The following AGXT2 variants were observed in gnomAD, a reference collection of about 807,000 sequenced individuals.
AGXT2 encodes the protein alanine--glyoxylate aminotransferase 2, mitochondrial.
Under a neutral mutation model 62.5 loss-of-function variants are expected in AGXT2, and 61 were observed. The ratio of observed to expected loss-of-function variants is 0.98; its 90% CI spans 0.79 to 1.21. AGXT2 has a LOEUF of 1.21. AGXT2 is among the 50% of genes most tolerant of loss of function. AGXT2 has a pLI of 0.00. For missense variants in AGXT2, 666 were observed against 641.5 expected (o/e 1.04, Z -0.41); for synonymous variants, 243 against 218.7 (o/e 1.11, Z -0.98).
At chr5:35,028,598 AG>A (rs1561226769) in intron 7 of AGXT2, among the ~76,000 whole-genome samples, 6,172 of 113,012 alleles carry the variant, frequency 0.055, 512 homozygotes, top group African/African-American at 0.13. Flanking sequence ...AGAGAGAGAG[AG>A]AGAGAGAGAG....
chr5:35,029,752 G>A (rs1452552107), intron 7 of AGXT2, among the ~76,000 whole-genome samples: 1 of 152,170 alleles, frequency 6.6e-6, no homozygotes, highest in Non-Finnish European at 1.5e-5. Flanking sequence ...AACATTGTGG[G>A]GGCAGTAGGT....
At chr5:35,029,666 A>G (rs190951057) in intron 7 of AGXT2, among the ~76,000 whole-genome samples, 1 of 152,352 alleles carries the variant, frequency 6.6e-6, no homozygotes. Flanking sequence ...GGAGCCAAGA[A>G]AGAACTACAA....
intron 9 of AGXT2, among the ~76,000 whole-genome samples, chr5:35,022,176 G>A (rs1390832328): frequency 6.6e-6 from 1 of 152,138 alleles, no homozygotes; most frequent in Admixed American, 6.5e-5. Flanking sequence ...TGATTCCTCA[G>A]GGATCTAGAA....
intron 11 of AGXT2, 105 bp downstream of exon 11, chr5:35,012,849 T>C: frequency 1.9e-6 from 2 of 1,027,816 alleles, no homozygotes; most frequent in East Asian, 5.2e-5. Flanking sequence ...ATGAATTAAC[T>C]CTCCCCTTTA....
intron 13 of AGXT2, among the ~76,000 whole-genome samples, chr5:35,000,684 C>T (rs934755612): frequency 1.3e-5 from 2 of 152,174 alleles, no homozygotes; most frequent in African/African-American, 2.4e-5. Flanking sequence ...CCCGGCCTCT[C>T]CTGCCCGTTA....
intron 13 of AGXT2, among the ~76,000 whole-genome samples, 157 bp downstream of exon 13, chr5:35,003,606 C>T (rs971024483): frequency 6.6e-6 from 1 of 150,438 alleles, no homozygotes; most frequent in East Asian, 1.9e-4. Context: ...CGAGCTTCAT[C>T]CCTAGATGAC....
At chr5:35,010,398 G>A (rs531420855) in intron 11 of AGXT2, among the ~76,000 whole-genome samples, 137 of 152,300 alleles carry the variant, frequency 9.0e-4, no homozygotes, top group African/African-American at 3.2e-3. Flanking sequence ...GGAAATAATA[G>A]GCCAGGCATG....
chr5:34,998,653 C>A lies in AGXT2; in HGVS notation c.*66G>T. The stretch of plus-strand genomic sequence containing the variant: ...GGATACCAGTGGTTCTGAAATTCTT[C>A]AAATTCACCCTTGAACATACGTGGC... On this transcript the variant is annotated 3_prime_UTR_variant, in exon 14 of 14. Transcript: ENST00000231420. 3.0e-6 allele frequency: 4 copies of A among 1,349,010 alleles called. No individual in the cohort carries two copies. Among genetic ancestry groups the A allele is most frequent in the South Asian group, 2.4e-5 (2 of 84,126 alleles). 83.6% of individuals were successfully genotyped at this position (1,349,010 alleles called of 1,614,324 possible).
At chr5:35,038,588 GA>G (rs1211887294) in intron 3 of AGXT2, among the ~76,000 whole-genome samples, 1 of 152,158 alleles carries the variant, frequency 6.6e-6, no homozygotes, top group African/African-American at 2.4e-5. Context: ...ACAGCTGCCT[GA>G]GGGGGGGGAC....
At chr5:35,034,779 G>A (rs1767702617) in intron 5 of AGXT2, among the ~76,000 whole-genome samples, 1 of 152,154 alleles carries the variant, frequency 6.6e-6, no homozygotes, top group Non-Finnish European at 1.5e-5. Flanking sequence ...TAAAAAATGG[G>A]TGCAGCTGGC....
Position 35,033,546 on chromosome 5 carries a change from A to G in AGXT2, c.589T>C (p.Tyr197His), listed in dbSNP as rs1375396242. 16 of 1,613,360 alleles carry G rather than the reference A, an allele frequency of 9.9e-6. No individual in the cohort carries two copies. Among genetic ancestry groups the G allele is most frequent in the Non-Finnish European group, 1.1e-5 (13 of 1,179,436 alleles). The change falls in exon 6 of 14, where the codon TAC becomes CAC. Residue 197 changes from tyrosine to histidine, a missense_variant. By Grantham distance (83) the Tyr-to-His change is moderately conservative. Coordinates refer to ENST00000231420, the MANE Select transcript of AGXT2 (RefSeq NM_031900.4). ...NIDIISFRGA[Y>H]HGCSPYTLGL... ...AGTGTGTAAGGACTGCATCCATGGT[A>G]GGCTCCTCTGCAGAGAAGAAACAAC... is the stretch of plus-strand genomic sequence containing the variant.
At chr5:35,026,374 T>G (rs565080389) in intron 8 of AGXT2, 36 bp downstream of exon 8, 1 of 1,527,686 alleles carries the variant, frequency 6.5e-7, no homozygotes, top group African/African-American at 1.4e-5. Flanking sequence ...TAATTGAAGA[T>G]TCAGCTCCAT....
chr5:35,002,362 G>A lies in AGXT2; in HGVS notation c.1437+1401C>T, dbSNP rs1233542053. Among the ~76,000 whole-genome samples the A allele has an allele frequency of 2.0e-5, 3 of 152,296 alleles. No homozygotes were observed. In the Middle Eastern group the frequency reaches 0.01, roughly 518 times the overall value. The stretch of plus-strand genomic sequence containing the variant: ...AAACATGGGGGTTTCCTTGAGTGAA[G>A]GTGGAGGGAGCTTGGAGAAACAAGC... On this transcript the variant is annotated intron_variant, in intron 13 of 13. Coordinates refer to ENST00000231420, the MANE Select transcript of AGXT2 (RefSeq NM_031900.4).
At chr5:35,021,824 T>C (rs1399573922) in intron 9 of AGXT2, among the ~76,000 whole-genome samples, 1 of 141,902 alleles carries the variant, frequency 7.0e-6, no homozygotes, top group Non-Finnish European at 1.5e-5. Context: ...AACCTACTCA[T>C]CTGACAAAGG....
intron 2 of AGXT2, among the ~76,000 whole-genome samples, chr5:35,040,293 T>A (rs1579513162): frequency 1.3e-5 from 2 of 152,220 alleles, no homozygotes; most frequent in Non-Finnish European, 1.5e-5. Flanking sequence ...TGTGTATATC[T>A]CCCTGCAGTA....
At chr5:35,021,361 G>T (rs1312442518) in intron 9 of AGXT2, among the ~76,000 whole-genome samples, 1 of 151,548 alleles carries the variant, frequency 6.6e-6, no homozygotes, top group Non-Finnish European at 1.5e-5. Context: ...CATGGTACTG[G>T]TACCAAAACA....
At chr5:35,008,144 C>G (rs901580540) in intron 12 of AGXT2, among the ~76,000 whole-genome samples, 1 of 152,162 alleles carries the variant, frequency 6.6e-6, no homozygotes, top group Non-Finnish European at 1.5e-5. Context: ...TCAGGTATTC[C>G]TTTACAGCAA....
intron 7 of AGXT2, chr5:35,026,813 A>G: frequency 1.0e-6 from 1 of 979,164 alleles, no homozygotes; most frequent in Non-Finnish European, 1.2e-6. Flanking sequence ...GAGCTGGTAT[A>G]GATAGCTGTT....
rs1017310891 is a variant in AGXT2, at chr5:35,014,260, T to A, written c.964-141A>T. ...TGAGGTCAGGAGTTCAAGACCAGCC[T>A]GGCCAAGATGGTGAAACCCTGTCTC... On this transcript the variant is annotated intron_variant, in intron 9 of 13. Coordinates refer to ENST00000231420, the MANE Select transcript of AGXT2 (RefSeq NM_031900.4). 4.5e-6 allele frequency: 5 copies of A among 1,107,350 alleles called. No individual in the cohort carries two copies. The South Asian group carries it at 6.5e-5, about 14-fold the overall frequency. The allele number at this position is 1,107,350 out of a possible 1,614,324, so 68.6% of individuals were successfully genotyped here.
Sources: gnomAD v4.1 joint callset for allele counts (sites outside exome capture counted in the v4.1 genomes callset) on GRCh38, gnomAD v4.1.1 for gene constraint, MANE v1.5 for transcripts, NCBI Gene and HGNC (gene_info 2026-07-23, HGNC 2026-07-21) for gene names.